KDM3B: variants seen among roughly 807,000 people sequenced by gnomAD.
KDM3B encodes the protein lysine demethylase 3B.
KDM3B carries 10 observed loss-of-function variants against 170.0 expected under a neutral mutation model. The ratio of observed to expected loss-of-function variants is 0.06; its 90% CI spans 0.04 to 0.10. The LOEUF is 0.10. Among genes scored for constraint, KDM3B ranks in the 10% least tolerant of loss-of-function variants. The probability of loss-of-function intolerance (pLI) is 1.00; values close to 1 mark genes in which losing one functional copy is unlikely to be tolerated. For missense variants in KDM3B, 1,394 were observed against 2,195.2 expected (o/e 0.64, Z 7.29); for synonymous variants, 831 against 834.8 (o/e 1.00, Z 0.08).
At chr5:138,355,035 T>C (rs953894629) in intron 1 of KDM3B, among the ~76,000 whole-genome samples, 9 of 152,172 alleles carry the variant, frequency 5.9e-5, no homozygotes, top group African/African-American at 2.2e-4. Flanking sequence ...GAGATTTCCT[T>C]TGGACCGTAG....
chr5:138,357,789 G>A (rs1300870649), intron 1 of KDM3B, among the ~76,000 whole-genome samples: 72 of 151,186 alleles, frequency 4.8e-4, no homozygotes, highest in Admixed American at 7.9e-4. Flanking sequence ...GCGCGATATT[G>A]GCTCACTGCA....
In KDM3B at chr5:138,399,972, C is replaced by T. The variant is rs1232621104; in HGVS notation, c.3159C>T (p.Cys1053=). The change falls in exon 11 of 24, where the codon TGC becomes TGT. Residue 1053 remains cysteine, a synonymous_variant. Coordinates refer to ENST00000314358, the MANE Select transcript of KDM3B (RefSeq NM_016604.4). ...WVCRKCGFGV[C]LDCYRLRKSR... ...GTCGCAAATGTGGATTTGGGGTCTGCCTTGACTGTTACCGGCTCAGGAAAA... is the reference window on the plus strand; with the variant it reads ...GTCGCAAATGTGGATTTGGGGTCTGTCTTGACTGTTACCGGCTCAGGAAAA... 2 of 1,614,144 alleles carry T rather than the reference C, an allele frequency of 1.2e-6. No homozygotes were observed. The highest frequency in any genetic ancestry group is 1.7e-5 in the Admixed American group (1 of 60,020).
chr5:138,423,566 G>A (rs1194109051), intron 15 of KDM3B, among the ~76,000 whole-genome samples: 4 of 152,186 alleles, frequency 2.6e-5, no homozygotes, highest in Non-Finnish European at 5.9e-5. Flanking sequence ...ACTGCTTTCA[G>A]AATGTACTTC....
rs925650427 is a variant in KDM3B at position 138,435,782 on chromosome 5, G to A, written c.*82G>A. On this transcript the variant is annotated 3_prime_UTR_variant, in exon 24 of 24. Transcript: ENST00000314358. Reference sequence around the variant, plus strand: ...CAGGGAACGGCAGGGCTCTTTGCTGGAGCAGAGGCCCTTCACCCAGAGCCA... The same window carrying A: ...CAGGGAACGGCAGGGCTCTTTGCTGAAGCAGAGGCCCTTCACCCAGAGCCA... 6.4e-6 allele frequency: 7 copies of A among 1,085,652 alleles called. No homozygotes were observed. The African/African-American group carries it at 1.1e-4, about 17-fold the overall frequency. The allele number at this position is 1,085,652 out of a possible 1,614,324, so 67.3% of individuals were successfully genotyped here.
chr5:138,364,154 G>A (rs972073047), intron 1 of KDM3B, among the ~76,000 whole-genome samples: 1 of 152,060 alleles, frequency 6.6e-6, no homozygotes, highest in African/African-American at 2.4e-5. Flanking sequence ...CTGACCATAA[G>A]TGATCTGCCT....
intron 6 of KDM3B, among the ~76,000 whole-genome samples, chr5:138,382,686 G>A (rs1352434058): frequency 6.7e-6 from 1 of 148,284 alleles, no homozygotes; most frequent in African/African-American, 2.5e-5. Flanking sequence ...TTTTTTTTTT[G>A]AGGCAGGGTC....
chr5:138,428,968 G>C (rs1365415251), intron 20 of KDM3B, among the ~76,000 whole-genome samples: 1 of 109,294 alleles, frequency 9.1e-6, no homozygotes, highest in South Asian at 3.1e-4. Flanking sequence ...TTTTTTTTGA[G>C]ATAGAGTCTC....
intron 7 of KDM3B, among the ~76,000 whole-genome samples, chr5:138,388,950 A>G (rs80192436): frequency 5.1e-4 from 77 of 152,362 alleles, no homozygotes; most frequent in African/African-American, 1.9e-3. Flanking sequence ...TTATAAGAAA[A>G]GGATTTGGAA....
Position 138,391,423 on chromosome 5 carries a change from C to T in KDM3B, c.1791C>T (p.Ser597=). The change falls in exon 8 of 24, where the codon TCC becomes TCT. Residue 597 remains serine (S), a synonymous_variant. Transcript: ENST00000314358. This position sits in a 1 kb window ranked among gnomAD's most constrained non-coding sequence, Gnocchi z 5.0. ...TGGACCGGAAAGTGCCTGCAGAGTCCATGCCCACCCTCACTCCAGCCTTCC... is the reference window on the plus strand; with the variant it reads ...TGGACCGGAAAGTGCCTGCAGAGTCTATGCCCACCCTCACTCCAGCCTTCC... ...SSVDRKVPAE[S]MPTLTPAFPR... 1 of 1,613,762 alleles carries T rather than the reference C, an allele frequency of 6.2e-7. No individual in the cohort carries two copies. The highest frequency in any genetic ancestry group is 8.5e-7 in the Non-Finnish European group (1 of 1,179,820).
At chr5:138,361,996 T>G (rs1761620840) in intron 1 of KDM3B, among the ~76,000 whole-genome samples, 1 of 152,106 alleles carries the variant, frequency 6.6e-6, no homozygotes, top group Admixed American at 6.6e-5. Flanking sequence ...TCTCTGAACT[T>G]ACTTCATCTA....
chr5:138,392,308 C>T (rs745897614), intron 8 of KDM3B, 47 bp downstream of exon 8: 1 of 1,444,400 alleles, frequency 6.9e-7, no homozygotes, highest in Admixed American at 2.4e-5. Flanking sequence ...GCACTGGGCT[C>T]AAATGCCTGT....
chr5:138,424,048 C>T, intron 15 of KDM3B, 27 bp from the exon 16 acceptor site: 12 of 1,518,148 alleles, frequency 7.9e-6, no homozygotes, highest in Non-Finnish European at 1.1e-5. Flanking sequence ...CTCAGTCAAG[C>T]TTACCTGGTG....
intron 8 of KDM3B, 116 bp downstream of exon 8, chr5:138,392,377 T>C: frequency 8.9e-7 from 1 of 1,126,190 alleles, no homozygotes; most frequent in Middle Eastern, 3.3e-4. Context: ...TCTCATAGAA[T>C]TACAGAGCCA....
intron 11 of KDM3B, among the ~76,000 whole-genome samples, chr5:138,407,931 G>T (rs1207538150): frequency 6.6e-6 from 1 of 152,194 alleles, no homozygotes; most frequent in Non-Finnish European, 1.5e-5. Context: ...TGAGGGTACA[G>T]AAGTCCTTGG....
chr5:138,377,857 C>T, intron 4 of KDM3B, 32 bp downstream of exon 4: 3 of 1,448,662 alleles, frequency 2.1e-6, no homozygotes, highest in Non-Finnish European at 2.9e-6. Context: ...TCCCTGAACT[C>T]TGATTCAGGT....
intron 3 of KDM3B, 131 bp downstream of exon 3, chr5:138,375,337 A>G (rs1381342200): frequency 7.6e-6 from 3 of 395,102 alleles, no homozygotes; most frequent in East Asian, 3.8e-5. Flanking sequence ...ACTTCCTCCA[A>G]TAAATATGCT....
chr5:138,428,953 T>C (rs1261344471), intron 20 of KDM3B, among the ~76,000 whole-genome samples: 3 of 147,084 alleles, frequency 2.0e-5, no homozygotes, highest in Admixed American at 6.8e-5. Context: ...TTTTTTTTTT[T>C]TTTTTTTTTT....
At chr5:138,422,627 G>A (rs1470991497) in intron 15 of KDM3B, among the ~76,000 whole-genome samples, 1 of 152,062 alleles carries the variant, frequency 6.6e-6, no homozygotes, top group African/African-American at 2.4e-5. Context: ...GTGACAGAGG[G>A]AGATCCATCT....
At chr5:138,403,015 A>G (rs1313675893) in intron 11 of KDM3B, among the ~76,000 whole-genome samples, 3 of 152,232 alleles carry the variant, frequency 2.0e-5, no homozygotes, top group Non-Finnish European at 4.4e-5. Context: ...TCAGAAAGCA[A>G]TTGACTGAAT....
Sources: allele counts gnomAD v4.1 joint callset (sites outside exome capture counted in the v4.1 genomes callset), GRCh38; gene constraint gnomAD v4.1.1; non-coding constraint Gnocchi (gnomAD v3.1); transcripts MANE v1.5; gene names NCBI Gene and HGNC (gene_info 2026-07-23, HGNC 2026-07-21).